The following HSD17B3 variants were observed in gnomAD, a reference collection of about 807,000 sequenced individuals.
The protein encoded by HSD17B3 is hydroxysteroid 17-beta dehydrogenase 3.
Under a neutral mutation model 41.1 loss-of-function variants are expected in HSD17B3, and 29 were observed. The observed-to-expected ratio is 0.71, with a 90% CI of 0.53 to 0.96. The LOEUF is 0.96. Among genes scored for constraint, HSD17B3 ranks in the 40% least tolerant of loss-of-function variants. The pLI, the probability that HSD17B3 is intolerant of heterozygous loss-of-function variation, is 0.00. For synonymous variants in HSD17B3, 126 were observed against 145.6 expected (o/e 0.87, Z 0.97); for missense variants, 323 against 374.6 (o/e 0.86, Z 1.14).
intron 2 of HSD17B3, among the ~76,000 whole-genome samples, chr9:96,270,482 G>A (rs1229936401): frequency 6.6e-6 from 1 of 152,238 alleles, no homozygotes; most frequent in Non-Finnish European, 1.5e-5. Context: ...TGAGAGTGCA[G>A]ATGGAGGAAT....
At chr9:96,246,691 G>C in intron 6 of HSD17B3, 101 bp from the exon 7 acceptor site, 1 of 1,016,572 alleles carries the variant, frequency 9.8e-7, no homozygotes, top group Non-Finnish European at 1.5e-6. Flanking sequence ...AGCTGGGAAA[G>C]AGCCTCATCT....
At chr9:96,290,398 G>C (rs763838176) in intron 2 of HSD17B3, among the ~76,000 whole-genome samples, 4 of 150,210 alleles carry the variant, frequency 2.7e-5, no homozygotes, top group Non-Finnish European at 5.9e-5. Context: ...CCAGATGTGA[G>C]AGGAGGTTCA....
intron 2 of HSD17B3, among the ~76,000 whole-genome samples, chr9:96,260,456 A>G (rs1825816815): frequency 6.6e-6 from 1 of 152,180 alleles, no homozygotes; most frequent in African/African-American, 2.4e-5. Context: ...GTCCTTAATT[A>G]TTCTTGGGTT....
At position 96,268,132 on chromosome 9, in the gene HSD17B3, C is replaced by G. The variant is rs146948876; in HGVS notation, c.202-13189G>C. On this transcript the variant is annotated intron_variant, in intron 2 of 10. Transcript: ENST00000375263. Reference sequence around the variant, plus strand: ...TAGTGATGGGGTTTTGCCATGTTGGCCAGGCTGGTCTCGAACTCCTGGCCT... The same window carrying G: ...TAGTGATGGGGTTTTGCCATGTTGGGCAGGCTGGTCTCGAACTCCTGGCCT... Among the ~76,000 whole-genome samples, 78 of 152,276 alleles carry G rather than the reference C, an allele frequency of 5.1e-4. 1 individual carries two copies. In the East Asian group the frequency reaches 0.015, roughly 29 times the overall value.
In HSD17B3 at chr9:96,235,391, T is replaced by G. The variant is rs1297633452; in HGVS notation, c.*69A>C. On this transcript the variant is annotated 3_prime_UTR_variant, in exon 11 of 11. Transcript: ENST00000375263. ...GGACTAGGTTGAAGTGCTGGTCTGC[T>G]CCTCTGGTCCTCTTCAGCCAGCATG... The G allele has an allele frequency of 9.5e-7, 1 of 1,054,776 alleles. No homozygotes were observed. The highest frequency in any genetic ancestry group is 1.5e-6 in the Non-Finnish European group (1 of 687,960). The allele number at this position is 1,054,776 out of a possible 1,614,324, so 65.3% of individuals were successfully genotyped here. A position where few individuals can be genotyped will look rare whatever the true frequency, so the allele number is the denominator to read the frequency against.
intron 9 of HSD17B3, among the ~76,000 whole-genome samples, chr9:96,243,608 C>T (rs1836539007): frequency 1.3e-5 from 2 of 152,186 alleles, no homozygotes; most frequent in South Asian, 4.1e-4. Flanking sequence ...ACAACAATAA[C>T]AAAACAAAAC....
intron 2 of HSD17B3, 92 bp from the exon 3 acceptor site, chr9:96,255,035 T>TA: frequency 9.9e-7 from 1 of 1,010,874 alleles, no homozygotes; most frequent in Non-Finnish European, 1.5e-6. Flanking sequence ...ACTGTGCACA[T>TA]ACTGGCAGGG....
intron 2 of HSD17B3, among the ~76,000 whole-genome samples, chr9:96,272,435 A>ATC (rs1826296239): frequency 1.1e-5 from 1 of 92,760 alleles, no homozygotes; most frequent in Non-Finnish European, 2.1e-5. Flanking sequence ...ATATATATAT[A>ATC]TATATATATA....
chr9:96,244,527 C>T (rs1459586634), intron 8 of HSD17B3, 133 bp from the exon 9 acceptor site: 14 of 795,904 alleles, frequency 1.8e-5, no homozygotes, highest in Admixed American at 5.7e-5. Flanking sequence ...GCTCTGGGTA[C>T]GGAGGGTACG....
At position 96,261,059 on chromosome 9, in the gene HSD17B3, A is replaced by C. The variant is rs1283813073; in HGVS notation, c.202-6116T>G. The stretch of plus-strand genomic sequence containing the variant: ...TAGGATAGGTAATGCTGTGGCAACA[A>C]GTTAACACTGAAATCTCAGCAGTTT... On this transcript the variant is annotated intron_variant, in intron 2 of 10. Transcript: ENST00000375263. 7.2e-5 allele frequency among the ~76,000 whole-genome samples: 11 copies of C among 152,330 alleles called. No individual in the cohort carries two copies. The East Asian group carries it at 2.1e-3, about 29-fold the overall frequency.
intron 2 of HSD17B3, among the ~76,000 whole-genome samples, chr9:96,284,466 G>C (rs1210312443): frequency 6.6e-6 from 1 of 152,164 alleles, no homozygotes; most frequent in Middle Eastern, 3.2e-3. Flanking sequence ...ATAGCTATTT[G>C]CATAAGTGCA....
rs10639612 is a variant in HSD17B3, at chr9:96,241,961, AAAAGAAAGAAAG to A, written c.673-1066_673-1055del. Among the ~76,000 whole-genome samples the A allele has an allele frequency of 5.9e-3, 594 of 100,690 alleles. 3 individuals carry two copies. Among genetic ancestry groups the A allele is most frequent in the African/African-American group, 0.023 (563 of 24,134 alleles). 66.1% of individuals were successfully genotyped at this position (100,690 alleles called of 152,430 possible). A position where few individuals can be genotyped will look rare whatever the true frequency, so the allele number is the denominator to read the frequency against. The stretch of plus-strand genomic sequence containing the variant: ...AAAAAAAAAAAAAGAAAAGAACAGA[AAAAGAAAGAAAG>A]AAAGAAAGAAAGAAAGAAAGAAAGA... On this transcript the variant is annotated intron_variant, in intron 9 of 10. Coordinates refer to ENST00000375263, the MANE Select transcript of HSD17B3 (RefSeq NM_000197.2).
intron 7 of HSD17B3, 191 bp downstream of exon 7, chr9:96,246,365 T>C: frequency 1.5e-6 from 1 of 657,728 alleles, no homozygotes. Flanking sequence ...CACATGAGCT[T>C]GTCTGTCTGC....
chr9:96,244,448 G>A (rs1261621699), intron 8 of HSD17B3, 54 bp from the exon 9 acceptor site: 8 of 1,559,802 alleles, frequency 5.1e-6, no homozygotes, highest in East Asian at 2.2e-5. Context: ...CCTCGTCAGA[G>A]CCAACTTCCT....
intron 2 of HSD17B3, among the ~76,000 whole-genome samples, chr9:96,286,575 A>T (rs1826927088): frequency 6.6e-6 from 1 of 152,078 alleles, no homozygotes; most frequent in Non-Finnish European, 1.5e-5. Context: ...CTGTAATCCC[A>T]GCTACTCAGG....
At chr9:96,286,837 G>A (rs908801433) in intron 2 of HSD17B3, among the ~76,000 whole-genome samples, 3 of 152,174 alleles carry the variant, frequency 2.0e-5, no homozygotes, top group African/African-American at 7.2e-5. Flanking sequence ...AAAAAGGGAG[G>A]CATGAATAAT....
Position 96,252,928 on chromosome 9 carries a change from G to GT in HSD17B3, c.278-19dup, listed in dbSNP as rs1386576741. ...AGTCCGCTCTACACGAGAGACAACAGTTTTTTTAATGAACAGGGATCCAAA... is the reference window on the plus strand; with the variant it reads ...AGTCCGCTCTACACGAGAGACAACAGTTTTTTTTAATGAACAGGGATCCAAA... On this transcript the variant is annotated intron_variant, in intron 3 of 10. Transcript: ENST00000375263. 2.6e-6 allele frequency: 4 copies of GT among 1,516,576 alleles called. No individual in the cohort carries two copies. Among genetic ancestry groups the GT allele is most frequent in the Non-Finnish European group, 2.7e-6 (3 of 1,091,372 alleles). 93.9% of individuals were successfully genotyped at this position (1,516,576 alleles called of 1,614,324 possible).
intron 5 of HSD17B3, chr9:96,251,165 A>G (rs1360304317): frequency 2.8e-5 from 16 of 571,616 alleles, no homozygotes; most frequent in Middle Eastern, 4.5e-4. Context: ...GAAGCATAGG[A>G]CAATGGACAG....
rs1045653050 is a variant in HSD17B3 at position 96,251,490 on chromosome 9, C to T, written c.386-5G>A. 91 of 1,613,730 alleles carry T rather than the reference C, an allele frequency of 5.6e-5. No individual in the cohort carries two copies. Among genetic ancestry groups the T allele is most frequent in the Non-Finnish European group, 7.5e-5 (89 of 1,179,684 alleles). On this transcript the variant is annotated splice_region_variant and splice_polypyrimidine_tract_variant and intron_variant, in intron 4 of 10. Coordinates refer to ENST00000375263, the MANE Select transcript of HSD17B3 (RefSeq NM_000197.2). ...GAAGCATTCCGACATTGTTGACTGGCAGAAAGAAGCAAAACAAAAATGTGT... is the reference window on the plus strand; with the variant it reads ...GAAGCATTCCGACATTGTTGACTGGTAGAAAGAAGCAAAACAAAAATGTGT...
Sources: allele counts gnomAD v4.1 joint callset (sites outside exome capture counted in the v4.1 genomes callset), GRCh38; gene constraint gnomAD v4.1.1; transcripts MANE v1.5; gene names NCBI Gene and HGNC (gene_info 2026-07-23, HGNC 2026-07-21).